The following MARCHF7 variants were observed in gnomAD, a reference collection of about 807,000 sequenced individuals.
MARCHF7 encodes E3 ubiquitin-protein ligase MARCHF7.
Under a neutral mutation model 76.5 loss-of-function variants are expected in MARCHF7, and 20 were observed. The ratio of observed to expected loss-of-function variants is 0.26; its 90% CI spans 0.18 to 0.38. The LOEUF (loss-of-function observed/expected upper bound fraction) is 0.38, where lower values mean the gene tolerates loss of function less well. Among genes scored for constraint, MARCHF7 ranks in the 10% least tolerant of loss-of-function variants. The pLI, the probability that MARCHF7 is intolerant of heterozygous loss-of-function variation, is 1.00. For synonymous variants in MARCHF7, 295 were observed against 293.0 expected (o/e 1.01, Z -0.07); for missense variants, 797 against 812.9 (o/e 0.98, Z 0.24).
chr2:159,767,287 C>G lies in MARCHF7; in HGVS notation c.2060C>G (p.Ser687Ter). The change falls in exon 12 of 12, where the codon TCA (serine) becomes TGA (stop). Residue 687 changes from serine to a stop codon, truncating the protein, a stop_gained. Transcript: ENST00000409175. LOFTEE classifies it high-confidence loss of function. The stretch of plus-strand genomic sequence containing the variant: ...TCATCCTGTTTTCTTTCAACAGCTT[C>G]AGAGGATGATTCCGAAGAAGACGGA... ...LQAHMEDLET[S>*]EDDSEEDGDH... 5.0e-6 allele frequency: 8 copies of G among 1,609,398 alleles called. No homozygotes were observed. The highest frequency in any genetic ancestry group is 6.8e-6 in the Non-Finnish European group (8 of 1,176,778).
rs1451033746 is a variant in MARCHF7 at position 159,764,676 on chromosome 2, T to C, written c.2056+2T>C. On this transcript the variant is annotated splice_donor_variant, in intron 11 of 11. Transcript: ENST00000409175. LOFTEE classifies it high-confidence loss of function. ...AGGCACATATGGAAGATCTCGAAAGTAGGTGGAATTTCCCCTCCCCAGACT... is the reference window on the plus strand; with the variant it reads ...AGGCACATATGGAAGATCTCGAAAGCAGGTGGAATTTCCCCTCCCCAGACT... 1.9e-6 allele frequency: 3 copies of C among 1,600,776 alleles called. No homozygotes were observed. Among genetic ancestry groups the C allele is most frequent in the Non-Finnish European group, 2.6e-6 (3 of 1,174,028 alleles).
chr2:159,759,444 T>C (rs1340640292), intron 9 of MARCHF7, 109 bp downstream of exon 9: 2 of 499,866 alleles, frequency 4.0e-6, no homozygotes, highest in African/African-American at 2.0e-5. Context: ...ATAATAATAA[T>C]AACAGTGATA....
intron 9 of MARCHF7, among the ~76,000 whole-genome samples, chr2:159,761,674 A>T (rs1314407663): frequency 6.6e-6 from 1 of 151,814 alleles, no homozygotes. Flanking sequence ...AGCCTCCCAA[A>T]ATGCTGGGAT....
In MARCHF7 at chr2:159,717,181, C is replaced by G. The variant is rs150047231; in HGVS notation, c.-15+1415C>G. ...ACCTCTTACAACCTTGAAAATCTTA[C>G]AGTGTCACAGTCCATTCTCTTAGTC... On this transcript the variant is annotated intron_variant, in intron 3 of 11. Coordinates refer to ENST00000409175, the MANE Select transcript of MARCHF7 (RefSeq NM_001282805.2). Among the ~76,000 whole-genome samples the G allele has an allele frequency of 1.8e-4, 26 of 141,272 alleles. No individual in the cohort carries two copies. The East Asian group carries it at 4.3e-3, about 23-fold the overall frequency. The allele number at this position is 141,272 out of a possible 152,430, so 92.7% of individuals were successfully genotyped here. A position where few individuals can be genotyped will look rare whatever the true frequency, so the allele number is the denominator to read the frequency against.
At chr2:159,747,608 G>T (rs182052529) in intron 6 of MARCHF7, among the ~76,000 whole-genome samples, 197 bp from the exon 7 acceptor site, 3 of 152,128 alleles carry the variant, frequency 2.0e-5, no homozygotes, top group Admixed American at 2.0e-4. Flanking sequence ...ACTTTACACA[G>T]CAGTACTGGA....
chr2:159,761,855 T>C lies in MARCHF7; in HGVS notation c.1894-1025T>C, dbSNP rs574037429. Among the ~76,000 whole-genome samples the C allele has an allele frequency of 3.9e-5, 6 of 152,326 alleles. 1 individual carries two copies. In the South Asian group the frequency reaches 8.3e-4, roughly 21 times the overall value. On this transcript the variant is annotated intron_variant, in intron 9 of 11. Coordinates refer to ENST00000409175, the MANE Select transcript of MARCHF7 (RefSeq NM_001282805.2). ...TCACTGTAAAAATTACAGGACAGATTAGATTATTAATAATACTATATTTAT... is the reference window on the plus strand; with the variant it reads ...TCACTGTAAAAATTACAGGACAGATCAGATTATTAATAATACTATATTTAT...
intron 3 of MARCHF7, among the ~76,000 whole-genome samples, chr2:159,723,885 C>A (rs1425002225): frequency 6.6e-6 from 1 of 151,136 alleles, no homozygotes; most frequent in Non-Finnish European, 1.5e-5. Flanking sequence ...CCATGTGATG[C>A]TTTTTCTTTT....
intron 4 of MARCHF7, among the ~76,000 whole-genome samples, chr2:159,738,372 A>G (rs35551189): frequency 0.064 from 9,693 of 152,204 alleles, 401 homozygotes; most frequent in Middle Eastern, 0.18. Context: ...AGTGGGGGGT[A>G]GGAAGGGATG....
intron 5 of MARCHF7, among the ~76,000 whole-genome samples, chr2:159,745,191 A>G (rs1704701054): frequency 6.6e-6 from 1 of 152,260 alleles, no homozygotes; most frequent in Non-Finnish European, 1.5e-5. Flanking sequence ...ATGTTGTGAG[A>G]AGTGATTGAG....
intron 4 of MARCHF7, among the ~76,000 whole-genome samples, chr2:159,740,427 A>G (rs995035050): frequency 5.9e-5 from 9 of 152,208 alleles, no homozygotes; most frequent in African/African-American, 2.2e-4. Context: ...GGACAGGATT[A>G]GGTATTAGTT....
chr2:159,724,934 T>C (rs1255277559), intron 3 of MARCHF7, among the ~76,000 whole-genome samples: 1 of 152,210 alleles, frequency 6.6e-6, no homozygotes, highest in East Asian at 1.9e-4. Flanking sequence ...ATGCCATGTT[T>C]GGTTTTCTGT....
At chr2:159,719,914 G>A (rs772693891) in intron 3 of MARCHF7, among the ~76,000 whole-genome samples, 24 of 152,156 alleles carry the variant, frequency 1.6e-4, no homozygotes, top group Non-Finnish European at 3.1e-4. Context: ...GTCTGTAGTC[G>A]AGATGGATAT....
intron 4 of MARCHF7, among the ~76,000 whole-genome samples, chr2:159,739,066 C>T (rs1560006816): frequency 6.6e-6 from 1 of 152,174 alleles, no homozygotes; most frequent in Non-Finnish European, 1.5e-5. Context: ...GTGACAGTGC[C>T]CAAGCTTGGC....
Position 159,748,022 on chromosome 2 carries a change from C to T in MARCHF7, c.732C>T (p.Tyr244=). The change falls in exon 7 of 12, where the codon TAC becomes TAT. Residue 244 remains tyrosine (Y), a synonymous_variant. Coordinates refer to ENST00000409175, the MANE Select transcript of MARCHF7 (RefSeq NM_001282805.2). ...SRSNTQPGFS[Y]SSSRDEAPII... ...GCAATACGCAGCCTGGATTTTCTTA[C>T]AGTTCAAGTAGAGATGAAGCCCCAA... 4 of 1,614,132 alleles carry T rather than the reference C, an allele frequency of 2.5e-6. No homozygotes were observed. Among genetic ancestry groups the T allele is most frequent in the Non-Finnish European group, 3.4e-6 (4 of 1,180,002 alleles).
chr2:159,760,142 C>G (rs953179529), intron 9 of MARCHF7, among the ~76,000 whole-genome samples: 1 of 152,168 alleles, frequency 6.6e-6, no homozygotes, highest in Non-Finnish European at 1.5e-5. Flanking sequence ...TGGCAACTAC[C>G]AGTCTGTGTT....
At position 159,752,386 on chromosome 2, in the gene MARCHF7, G is replaced by T; in HGVS notation, c.1614-16G>T. The T allele has an allele frequency of 6.4e-7, 1 of 1,560,876 alleles. No individual in the cohort carries two copies. The highest frequency in any genetic ancestry group is 8.7e-7 in the Non-Finnish European group (1 of 1,155,142). On this transcript the variant is annotated splice_polypyrimidine_tract_variant and intron_variant, in intron 7 of 11. Coordinates refer to ENST00000409175, the MANE Select transcript of MARCHF7 (RefSeq NM_001282805.2). ...ATGAGTTATGATAGCTTTGGGAAAT[G>T]TGCCTTCTTTTCCAGCCTCCTTTTA...
chr2:159,712,907 C>T (rs1700387991), intron 1 of MARCHF7, among the ~76,000 whole-genome samples: 1 of 152,082 alleles, frequency 6.6e-6, no homozygotes, highest in Admixed American at 6.5e-5. Context: ...GTGTGTCTTC[C>T]TCAGGGACGT....
At chr2:159,750,189 A>T (rs2125619611) in intron 7 of MARCHF7, among the ~76,000 whole-genome samples, 1 of 152,324 alleles carries the variant, frequency 6.6e-6, no homozygotes, top group African/African-American at 2.4e-5. Context: ...TACAGGCATG[A>T]GCCACCATGC....
At chr2:159,740,964 A>G (rs956579562) in intron 4 of MARCHF7, among the ~76,000 whole-genome samples, 5 of 152,130 alleles carry the variant, frequency 3.3e-5, no homozygotes, top group African/African-American at 7.2e-5. Context: ...GATCACTTGA[A>G]CCCAGGAGTT....
Sources: allele counts gnomAD v4.1 joint callset (sites outside exome capture counted in the v4.1 genomes callset), GRCh38; gene constraint gnomAD v4.1.1; transcripts MANE v1.5; gene names NCBI Gene and HGNC (gene_info 2026-07-23, HGNC 2026-07-21).